Variants in PEF1 observed in about 807,000 individuals in gnomAD.
PEF1 encodes the protein peflin.
PEF1 carries 17 observed loss-of-function variants against 32.0 expected under a neutral mutation model. The observed-to-expected ratio is 0.53, with a 90% CI of 0.36 to 0.80. The LOEUF (loss-of-function observed/expected upper bound fraction) is 0.80. Ranked by LOEUF, PEF1 falls within the 30% of genes least tolerant of loss-of-function variation. PEF1 has a pLI of 0.00. For synonymous variants in PEF1, 130 were observed against 139.8 expected (o/e 0.93, Z 0.50); for missense variants, 362 against 369.1 (o/e 0.98, Z 0.16).
At chr1:31,635,187 G>A (rs368284836) in intron 2 of PEF1, 35 bp downstream of exon 2, 7 of 1,607,468 alleles carry the variant, frequency 4.4e-6, no homozygotes, top group East Asian at 2.2e-5. Flanking sequence ...TCAGAACCAC[G>A]TCAGAGGTAC....
chr1:31,639,228 C>T (rs1360517272), intron 1 of PEF1, among the ~76,000 whole-genome samples: 2 of 152,200 alleles, frequency 1.3e-5, no homozygotes, highest in African/African-American at 4.8e-5. Context: ...ATGAGTTAAA[C>T]CGCAGAGCCA....
At position 31,635,451 on chromosome 1, in the gene PEF1, A is replaced by G; in HGVS notation, c.96T>C (p.Ser32=). ...PGSYYPGPPN[S]GGQYGSGLPP... ...GTAGCCCACTACCATACTGCCCTCCACTATTGGGGGGTCCAGGGTAGTAGC... is the reference window on the plus strand; with the variant it reads ...GTAGCCCACTACCATACTGCCCTCCGCTATTGGGGGGTCCAGGGTAGTAGC... The change falls in exon 2 of 5, where the codon AGT becomes AGC. Residue 32 remains serine, a synonymous_variant. Transcript: ENST00000373703. 6.3e-7 allele frequency: 1 copy of G among 1,598,266 alleles called. No homozygotes were observed. The highest frequency in any genetic ancestry group is 8.5e-7 in the Non-Finnish European group (1 of 1,170,364).
At chr1:31,634,101 C>G (rs988967283) in intron 2 of PEF1, among the ~76,000 whole-genome samples, 2 of 152,196 alleles carry the variant, frequency 1.3e-5, no homozygotes, top group Non-Finnish European at 2.9e-5. Flanking sequence ...GAAACCACTG[C>G]CTAGTACCAA....
intron 4 of PEF1, 94 bp downstream of exon 4, chr1:31,632,390 AGGTGGACATTC>A (rs1640130136): frequency 6.4e-7 from 1 of 1,564,998 alleles, no homozygotes; most frequent in African/African-American, 1.4e-5. Flanking sequence ...TTTGTAGTGC[AGGTGGACATTC>A]GGTAACAAGA....
At chr1:31,641,355 C>T (rs1294021186) in intron 1 of PEF1, among the ~76,000 whole-genome samples, 1 of 152,190 alleles carries the variant, frequency 6.6e-6, no homozygotes, top group Non-Finnish European at 1.5e-5. Flanking sequence ...CCTCCTGTCT[C>T]TCCTGCTTCA....
chr1:31,636,647 G>A (rs532805000), intron 1 of PEF1, among the ~76,000 whole-genome samples: 132 of 152,314 alleles, frequency 8.7e-4, no homozygotes, highest in African/African-American at 3.1e-3. Flanking sequence ...GGCCAGCTAT[G>A]TGAAGCCCTT....
intron 1 of PEF1, chr1:31,644,251 CG>C: frequency 7.3e-6 from 3 of 412,788 alleles, no homozygotes; most frequent in Non-Finnish European, 9.8e-6. Context: ...GAAGATAGCC[CG>C]GGTTCTGACC....
Position 31,632,489 on chromosome 1 carries a change from C to T in PEF1, c.625+6G>A, listed in dbSNP as rs1640135519. ...CTGCCCATCGTGCCCCGGCCATGAC[C>T]CGCACCTTGCTGCAGCTCTGTGTAG... On this transcript the variant is annotated splice_donor_region_variant and intron_variant, in intron 4 of 4. Coordinates refer to ENST00000373703, the MANE Select transcript of PEF1 (RefSeq NM_012392.4). The T allele has an allele frequency of 6.2e-7, 1 of 1,614,254 alleles. No individual in the cohort carries two copies. Among genetic ancestry groups the T allele is most frequent in the Non-Finnish European group, 8.5e-7 (1 of 1,180,050 alleles).
rs145034697 is a variant in PEF1, at chr1:31,631,566, A to G, written c.626-724T>C. On this transcript the variant is annotated intron_variant, in intron 4 of 4. Coordinates refer to ENST00000373703, the MANE Select transcript of PEF1 (RefSeq NM_012392.4). ...GGGCAGGTTACCTACACTAAACCTC[A>G]GTTTTCTCACCGGTAAAAGGGAGAT... 1.5e-4 allele frequency among the ~76,000 whole-genome samples: 23 copies of G among 152,260 alleles called. No homozygotes were observed. The East Asian group carries it at 4.2e-3, about 28-fold the overall frequency.
rs757856977 is a variant in PEF1 at position 31,633,226 on chromosome 1, C to T, written c.414G>A (p.Glu138=). The change falls in exon 3 of 5, where the codon GAG becomes GAA. Residue 138 remains glutamate, a synonymous_variant. Transcript: ENST00000373703. The part of the protein sequence containing the change: ...SDHSGYISMK[E]LKQALVNCNW... ...TGCAGTTGACCAGGGCCTGCTTTAG[C>T]TCCTTCATGGAGATATAGCCACTGT... 1 of 1,614,008 alleles carries T rather than the reference C, an allele frequency of 6.2e-7. No homozygotes were observed. Among genetic ancestry groups the T allele is most frequent in the Non-Finnish European group, 8.5e-7 (1 of 1,179,996 alleles).
chr1:31,632,526 C>T lies in PEF1; in HGVS notation c.594G>A (p.Ser198=), dbSNP rs1310945544. The T allele has an allele frequency of 5.6e-6, 9 of 1,614,202 alleles. 1 individual carries two copies. The highest frequency in any genetic ancestry group is 4.5e-5 in the East Asian group (2 of 44,882). The part of the protein sequence containing the change: ...NLFQQYDRDR[S]GSISYTELQQ... ...GCAGCTCTGTGTAGCTAATGGAGCC[C>T]GAGCGGTCCCGGTCATACTGCTGGA... Residue 198 remains serine, a synonymous_variant, in exon 4 of 5, where the codon TCG becomes TCA. Transcript: ENST00000373703.
rs201449486 is a variant in PEF1, at chr1:31,635,428, A to G, written c.119T>C (p.Leu40Pro). The change falls in exon 2 of 5, where the codon CTA becomes CCA. Residue 40 changes from leucine to proline, a missense_variant. Coordinates refer to ENST00000373703, the MANE Select transcript of PEF1 (RefSeq NM_012392.4). ...ACCCCCATAACCACCACCAGGGGGTAGCCCACTACCATACTGCCCTCCACT... is the reference window on the plus strand; with the variant it reads ...ACCCCCATAACCACCACCAGGGGGTGGCCCACTACCATACTGCCCTCCACT... ...PNSGGQYGSGLPPGGGYGGPA... is the reference protein window; with the variant it reads ...PNSGGQYGSGPPPGGGYGGPA... 1 of 1,612,030 alleles carries G rather than the reference A, an allele frequency of 6.2e-7. No individual in the cohort carries two copies. The highest frequency in any genetic ancestry group is 2.2e-5 in the East Asian group (1 of 44,844).
chr1:31,636,038 T>C (rs1199805113), intron 1 of PEF1, among the ~76,000 whole-genome samples: 1 of 152,184 alleles, frequency 6.6e-6, no homozygotes. Context: ...CAGCATGTCT[T>C]CCTTACCCTG....
chr1:31,630,378 T>G lies in PEF1; in HGVS notation c.*235A>C. The G allele has an allele frequency of 1.8e-6, 1 of 545,004 alleles. No homozygotes were observed. The highest frequency in any genetic ancestry group is 3.3e-6 in the Non-Finnish European group (1 of 303,308). The allele number at this position is 545,004 out of a possible 1,614,324, so 33.8% of individuals were successfully genotyped here. A position where few individuals can be genotyped will look rare whatever the true frequency, so the allele number is the denominator to read the frequency against. On this transcript the variant is annotated 3_prime_UTR_variant, in exon 5 of 5. Coordinates refer to ENST00000373703, the MANE Select transcript of PEF1 (RefSeq NM_012392.4). ...TCAACTGCTCATGGCCATCAGGACA[T>G]TCAACTTCTATCCTCTCCTCCATCA...
At chr1:31,640,295 G>A (rs1640362035) in intron 1 of PEF1, among the ~76,000 whole-genome samples, 1 of 152,126 alleles carries the variant, frequency 6.6e-6, no homozygotes, top group Non-Finnish European at 1.5e-5. Context: ...GAAAATTAAG[G>A]GGCAGAGAGT....
intron 2 of PEF1, among the ~76,000 whole-genome samples, chr1:31,633,523 T>C (rs1477950322): frequency 6.6e-6 from 1 of 152,246 alleles, no homozygotes; most frequent in Non-Finnish European, 1.5e-5. Context: ...ATGAGTCCTC[T>C]GGAGTTCTCG....
At chr1:31,633,399 A>G in intron 2 of PEF1, 85 bp from the exon 3 acceptor site, 1 of 1,389,084 alleles carries the variant, frequency 7.2e-7, no homozygotes, top group East Asian at 2.4e-5. Context: ...TTTCTCCTAC[A>G]CACGAAGCTT....
intron 3 of PEF1, among the ~76,000 whole-genome samples, 158 bp downstream of exon 3, chr1:31,633,001 A>G (rs1640154941): frequency 6.6e-6 from 1 of 152,168 alleles, no homozygotes; most frequent in Non-Finnish European, 1.5e-5. Flanking sequence ...AAGAGCTCTC[A>G]GTCTAGGGGA....
At chr1:31,642,103 TGC>T (rs1640405728) in intron 1 of PEF1, among the ~76,000 whole-genome samples, 1 of 152,058 alleles carries the variant, frequency 6.6e-6, no homozygotes, top group African/African-American at 2.4e-5. Context: ...TGTGGTGGCG[TGC>T]GCCTGTAATT....
Sources: gnomAD v4.1 joint callset for allele counts (sites outside exome capture counted in the v4.1 genomes callset) on GRCh38, gnomAD v4.1.1 for gene constraint, MANE v1.5 for transcripts, NCBI Gene and HGNC (gene_info 2026-07-23, HGNC 2026-07-21) for gene names.